Variants in NFAT5 observed in about 807,000 individuals in gnomAD.
NFAT5 encodes nuclear factor of activated T-cells 5.
Under a neutral mutation model 166.5 loss-of-function variants are expected in NFAT5, and 31 were observed. The observed-to-expected ratio is 0.19, with a 90% CI of 0.14 to 0.25. The LOEUF is 0.25. NFAT5 is among the 10% of genes least tolerant of loss of function. The pLI, the probability that NFAT5 is intolerant of heterozygous loss-of-function variation, is 1.00. For missense variants in NFAT5, 1,449 were observed against 1,821.8 expected, an observed-to-expected ratio of 0.80 and a Z score of 3.72; for synonymous variants, 612 against 639.7, an observed-to-expected ratio of 0.96 and a Z score of 0.65.
intron 10 of NFAT5, among the ~76,000 whole-genome samples, chr16:69,679,934 C>G (rs988430841): frequency 6.6e-6 from 1 of 151,866 alleles, no homozygotes; most frequent in African/African-American, 2.4e-5. Context: ...CTGGCTAACA[C>G]GGTGAAACCC....
At chr16:69,574,906 G>A (rs989925078) in intron 2 of NFAT5, among the ~76,000 whole-genome samples, 2 of 151,830 alleles carry the variant, frequency 1.3e-5, no homozygotes, top group Non-Finnish European at 2.9e-5. Flanking sequence ...TCCTGACCTC[G>A]GGTGATCTGC....
intron 2 of NFAT5, among the ~76,000 whole-genome samples, chr16:69,625,288 C>T (rs2034404534): frequency 6.6e-6 from 1 of 151,474 alleles, no homozygotes; most frequent in African/African-American, 2.4e-5. Context: ...AAAACCTATA[C>T]AATAAAGGAT....
chr16:69,609,245 C>T (rs1483518705), intron 2 of NFAT5, among the ~76,000 whole-genome samples: 1 of 152,082 alleles, frequency 6.6e-6, no homozygotes, highest in East Asian at 1.9e-4. Context: ...GTAGTAAATA[C>T]AAGCCAATCC....
chr16:69,682,294 AT>A (rs60855092), intron 10 of NFAT5, among the ~76,000 whole-genome samples: 34,191 of 145,066 alleles, frequency 0.24, 3,831 homozygotes, highest in East Asian at 0.37. Context: ...AATATTTAAC[AT>A]TTTTTTTTTT....
At chr16:69,652,920 A>G (rs866732553) in intron 4 of NFAT5, among the ~76,000 whole-genome samples, 5 of 152,150 alleles carry the variant, frequency 3.3e-5, no homozygotes, top group Admixed American at 6.5e-5. Context: ...GACATTAGCT[A>G]TTCTTTCCTG....
At chr16:69,580,869 A>G (rs1409327423) in intron 2 of NFAT5, among the ~76,000 whole-genome samples, 1 of 150,860 alleles carries the variant, frequency 6.6e-6, no homozygotes, top group Non-Finnish European at 1.5e-5. Context: ...GTTAGCCAGG[A>G]TGGTCTCGAT....
chr16:69,630,197 G>GTT (rs940050484), intron 3 of NFAT5, among the ~76,000 whole-genome samples: 1 of 151,832 alleles, frequency 6.6e-6, no homozygotes, highest in Non-Finnish European at 1.5e-5. Flanking sequence ...TGATTTTTGT[G>GTT]TTTTTTGTAG....
At chr16:69,603,482 G>A (rs905115695) in intron 2 of NFAT5, among the ~76,000 whole-genome samples, 134 of 152,240 alleles carry the variant, frequency 8.8e-4, no homozygotes, top group African/African-American at 2.9e-3. Context: ...TATCAGCCAG[G>A]CACGGTGGCT....
At chr16:69,691,452 C>T (rs572036582) in intron 12 of NFAT5, among the ~76,000 whole-genome samples, 19 of 152,188 alleles carry the variant, frequency 1.2e-4, no homozygotes, top group Middle Eastern at 3.4e-3. Flanking sequence ...TCTTCATGAA[C>T]CATAAAATTA....
chr16:69,678,323 T>G (rs1449265793), intron 10 of NFAT5, among the ~76,000 whole-genome samples: 1 of 151,432 alleles, frequency 6.6e-6, no homozygotes, highest in East Asian at 2.0e-4. Flanking sequence ...CAAGCTATTC[T>G]CCTGCCTCAG....
At chr16:69,571,136 A>T (rs2016409641) in intron 2 of NFAT5, among the ~76,000 whole-genome samples, 1 of 131,390 alleles carries the variant, frequency 7.6e-6, no homozygotes, top group Non-Finnish European at 1.5e-5. Context: ...TACTAAAAAA[A>T]AAAAAAAAAA....
intron 3 of NFAT5, among the ~76,000 whole-genome samples, chr16:69,640,559 T>G (rs1163982372): frequency 1.3e-5 from 2 of 152,248 alleles, no homozygotes; most frequent in Non-Finnish European, 2.9e-5. Flanking sequence ...TTCTTTAATC[T>G]GAAAATATGT....
chr16:69,626,267 C>G (rs545451907), intron 2 of NFAT5, 136 bp from the exon 3 acceptor site: 31 of 741,270 alleles, frequency 4.2e-5, no homozygotes, highest in Non-Finnish European at 6.1e-5. Context: ...TAGCTCTTTA[C>G]ATTAATTTTG....
intron 7 of NFAT5, among the ~76,000 whole-genome samples, chr16:69,669,649 A>G (rs1017832884): frequency 7.9e-5 from 12 of 152,260 alleles, no homozygotes; most frequent in Non-Finnish European, 8.8e-5. Context: ...TGATACTGCA[A>G]TAACACACAA....
In NFAT5 at chr16:69,655,819, T is replaced by G; in HGVS notation, c.1196+20T>G. On this transcript the variant is annotated intron_variant, in intron 6 of 14. Transcript: ENST00000349945. ...ACTGGCGTAAGTACTTAGTAAGAAT[T>G]TTTCATTATACATTACACTCTTGTG... The G allele has an allele frequency of 1.3e-6, 2 of 1,597,274 alleles. No individual in the cohort carries two copies. Among genetic ancestry groups the G allele is most frequent in the Non-Finnish European group, 1.7e-6 (2 of 1,168,410 alleles).
chr16:69,566,138 G>T lies in NFAT5; in HGVS notation c.-164G>T. The T allele has an allele frequency of 1.7e-6, 1 of 580,032 alleles. No homozygotes were observed. The highest frequency in any genetic ancestry group is 2.1e-5 in the South Asian group (1 of 47,322). 35.9% of individuals were successfully genotyped at this position (580,032 alleles called of 1,614,324 possible). A position where few individuals can be genotyped will look rare whatever the true frequency, so the allele number is the denominator to read the frequency against. On this transcript the variant is annotated 5_prime_UTR_variant, in exon 1 of 15. Coordinates refer to ENST00000349945, the MANE Select transcript of NFAT5 (RefSeq NM_138713.4). The surrounding 1 kb of genome is among the most constrained non-coding windows in gnomAD (Gnocchi z 5.7). ...CCCTCCACCTCGCCATCGTTTCCTC[G>T]GTCCTCGGCCCAGTGGAAGTCACTA...
chr16:69,566,432 C>G lies in NFAT5; in HGVS notation c.73+58C>G. 7.4e-7 allele frequency: 1 copy of G among 1,348,502 alleles called. No homozygotes were observed. Among genetic ancestry groups the G allele is most frequent in the Admixed American group, 2.0e-5 (1 of 50,674 alleles). 83.5% of individuals were successfully genotyped at this position (1,348,502 alleles called of 1,614,324 possible). A position where few individuals can be genotyped will look rare whatever the true frequency, so the allele number is the denominator to read the frequency against. ...GCGGGGAGACAGGGAGACAGGGAGACAGGGCCAGGGGAGGCGAGGGGTCCC... is the reference window on the plus strand; with the variant it reads ...GCGGGGAGACAGGGAGACAGGGAGAGAGGGCCAGGGGAGGCGAGGGGTCCC... On this transcript the variant is annotated intron_variant, in intron 1 of 14. Transcript: ENST00000349945. The surrounding 1 kb of genome is among the most constrained non-coding windows in gnomAD (Gnocchi z 5.7).
At position 69,693,754 on chromosome 16, in the gene NFAT5, A is replaced by G. The variant is rs780018548; in HGVS notation, c.3929A>G (p.Asn1310Ser). The change falls in exon 13 of 15, where the codon AAC (asparagine) becomes AGC (serine). Residue 1310 changes from asparagine (N) to serine (S), a missense_variant. Coordinates refer to ENST00000349945, the MANE Select transcript of NFAT5 (RefSeq NM_138713.4). ...CAACCACCACCAAACATGATATTCA[A>G]CCCAAATCAAAATCCAATGGCTAAT... The part of the protein sequence containing the change: ...PKQPPPNMIF[N>S]PNQNPMANQE... The G allele has an allele frequency of 6.2e-7, 1 of 1,614,252 alleles. No homozygotes were observed. Among genetic ancestry groups the G allele is most frequent in the South Asian group, 1.1e-5 (1 of 91,084 alleles).
At chr16:69,683,550 A>G (rs561947122) in intron 10 of NFAT5, among the ~76,000 whole-genome samples, 1 of 152,072 alleles carries the variant, frequency 6.6e-6, no homozygotes, top group African/African-American at 2.4e-5. Flanking sequence ...GAAAATATAT[A>G]TGTATATTCA....
Sources: allele counts gnomAD v4.1 joint callset (sites outside exome capture counted in the v4.1 genomes callset), GRCh38; gene constraint gnomAD v4.1.1; non-coding constraint Gnocchi (gnomAD v3.1); transcripts MANE v1.5; gene names NCBI Gene and HGNC (gene_info 2026-07-23, HGNC 2026-07-21).